Variants in COL11A2 observed in about 807,000 individuals in gnomAD.
COL11A2 encodes collagen alpha-2(XI) chain.
Under a neutral mutation model 273.4 loss-of-function variants are expected in COL11A2, and 116 were observed. That is an observed-to-expected ratio of 0.42 (90% CI 0.36 to 0.49). The LOEUF (loss-of-function observed/expected upper bound fraction) is 0.49. Ranked by LOEUF, COL11A2 falls within the 20% of genes least tolerant of loss-of-function variation. The pLI is 0.00. For missense variants in COL11A2, 1,866 were observed against 2,309.0 expected (o/e 0.81, Z 3.93); for synonymous variants, 782 against 864.2 (o/e 0.90, Z 1.67).
chr6:33,178,755 G>C lies in COL11A2; in HGVS notation c.1666-23C>G, dbSNP rs1771283843. The C allele has an allele frequency of 1.9e-6, 3 of 1,612,812 alleles. No homozygotes were observed. The highest frequency in any genetic ancestry group is 2.5e-6 in the Non-Finnish European group (3 of 1,179,888). ...ACCCTAGGAGGAGGAAGGATAGCCA[G>C]AGTGAGGACACGACCCTGTCCAAGC... On this transcript the variant is annotated intron_variant, in intron 17 of 65. Transcript: ENST00000341947. This position sits in a 1 kb window ranked among gnomAD's most constrained non-coding sequence, Gnocchi z 4.6.
At position 33,169,044 on chromosome 6, in the gene COL11A2, C is replaced by T. The variant is rs1192443639; in HGVS notation, c.3799-36G>A. 2 of 1,582,752 alleles carry T rather than the reference C, an allele frequency of 1.3e-6. No individual in the cohort carries two copies. Among genetic ancestry groups the T allele is most frequent in the Non-Finnish European group, 1.7e-6 (2 of 1,163,556 alleles). ...TGGAGAATAAGAGTCAGGGTCACAGCTCCCTAAGCCCACCCAGCACAGACG... is the reference window on the plus strand; with the variant it reads ...TGGAGAATAAGAGTCAGGGTCACAGTTCCCTAAGCCCACCCAGCACAGACG... On this transcript the variant is annotated intron_variant, in intron 51 of 65. Coordinates refer to ENST00000341947, the MANE Select transcript of COL11A2 (RefSeq NM_080680.3). This position sits in a 1 kb window ranked among gnomAD's most constrained non-coding sequence, Gnocchi z 5.5.
chr6:33,175,694 G>C lies in COL11A2; in HGVS notation c.2269-13C>G. On this transcript the variant is annotated splice_polypyrimidine_tract_variant and intron_variant, in intron 29 of 65. Coordinates refer to ENST00000341947, the MANE Select transcript of COL11A2 (RefSeq NM_080680.3). ...CTCCAACTTCGCCCTGTGTGAGAGG[G>C]AAGGACAGGTGAGTGCTGGGGACTG... 1.2e-6 allele frequency: 2 copies of C among 1,609,984 alleles called. No homozygotes were observed. The highest frequency in any genetic ancestry group is 1.7e-6 in the Non-Finnish European group (2 of 1,177,258).
chr6:33,181,515 C>A (rs758609311), intron 8 of COL11A2, among the ~76,000 whole-genome samples: 4 of 152,100 alleles, frequency 2.6e-5, no homozygotes, highest in Non-Finnish European at 5.9e-5. Flanking sequence ...TGCTCTGTCA[C>A]CCAGGCTGAA....
In COL11A2 at chr6:33,166,482, G is replaced by C. The variant is rs751813118; in HGVS notation, c.4392+31C>G. 1.2e-6 allele frequency: 2 copies of C among 1,610,156 alleles called. No homozygotes were observed. Among genetic ancestry groups the C allele is most frequent in the South Asian group, 2.2e-5 (2 of 90,746 alleles). Reference sequence around the variant, plus strand: ...GGGTGGGCAGCAGAGGGGTTTAGGGGATTTTGTGGAGGAACAGAGGCAGTA... The same window carrying C: ...GGGTGGGCAGCAGAGGGGTTTAGGGCATTTTGTGGAGGAACAGAGGCAGTA... On this transcript the variant is annotated intron_variant, in intron 60 of 65. Coordinates refer to ENST00000341947, the MANE Select transcript of COL11A2 (RefSeq NM_080680.3). The surrounding 1 kb of genome is among the most constrained non-coding windows in gnomAD (Gnocchi z 4.8).
chr6:33,168,331 G>A (rs963783381), intron 54 of COL11A2, among the ~76,000 whole-genome samples, 188 bp downstream of exon 54: 1 of 150,762 alleles, frequency 6.6e-6, no homozygotes, highest in African/African-American at 2.4e-5. Context: ...ACCAGCTCCT[G>A]CACACACACC....
chr6:33,167,373 T>C lies in COL11A2; in HGVS notation c.4122+53A>G, dbSNP rs1451490789. On this transcript the variant is annotated intron_variant, in intron 56 of 65. Coordinates refer to ENST00000341947, the MANE Select transcript of COL11A2 (RefSeq NM_080680.3). The surrounding 1 kb of genome is among the most constrained non-coding windows in gnomAD (Gnocchi z 6.1). Reference sequence around the variant, plus strand: ...GAGGAGCATCCCCACACTGCACCCCTCCCATGGCCCCTCACTCCCACCCCA... The same window carrying C: ...GAGGAGCATCCCCACACTGCACCCCCCCCATGGCCCCTCACTCCCACCCCA... 19 of 1,612,108 alleles carry C rather than the reference T, an allele frequency of 1.2e-5. No individual in the cohort carries two copies. Among genetic ancestry groups the C allele is most frequent in the Non-Finnish European group, 7.6e-6 (9 of 1,179,554 alleles).
Position 33,178,611 on chromosome 6 carries a change from C to T in COL11A2, c.1719+68G>A. On this transcript the variant is annotated intron_variant, in intron 18 of 65. Transcript: ENST00000341947. The surrounding 1 kb of genome is among the most constrained non-coding windows in gnomAD (Gnocchi z 4.6). ...TCCTGCCAAGCCTCCAGCCTCCCTTCCCTACCTATCCTCACTCCCATAGAA... is the reference window on the plus strand; with the variant it reads ...TCCTGCCAAGCCTCCAGCCTCCCTTTCCTACCTATCCTCACTCCCATAGAA... 6.2e-7 allele frequency: 1 copy of T among 1,607,304 alleles called. No individual in the cohort carries two copies. Among genetic ancestry groups the T allele is most frequent in the Non-Finnish European group, 8.5e-7 (1 of 1,175,240 alleles).
rs779187034 is a variant in COL11A2 at position 33,172,585 on chromosome 6, G to T, written c.2843C>A (p.Pro948Gln). The T allele has an allele frequency of 1.2e-5, 20 of 1,612,150 alleles. No homozygotes were observed. Among genetic ancestry groups the T allele is most frequent in the Admixed American group, 5.0e-5 (3 of 59,982 alleles). ...TAGTCCCTGCTCTCCAGGGGGCCCC[G>T]GGGGGCCTGGGTGACCTCTCTCCCC... ...PMGERGHPGP[P>Q]GPPGEQGLPG... The change falls in exon 39 of 66, where the codon CCG becomes CAG. Residue 948 changes from proline (P) to glutamine (Q), a missense_variant. By Grantham distance (76) the Pro-to-Gln change is moderately conservative. Transcript: ENST00000341947.
chr6:33,180,831 CTGGGAAGCGT>C, intron 10 of COL11A2, 101 bp from the exon 11 acceptor site: 1 of 1,561,136 alleles, frequency 6.4e-7, no homozygotes, highest in Non-Finnish European at 8.8e-7. Flanking sequence ...ATCTGGGAAT[CTGGGAAGCGT>C]TGATTGGAGG....
In COL11A2 at chr6:33,177,621, G is replaced by C. The variant is rs773358365; in HGVS notation, c.1917+41C>G. 16 of 1,611,104 alleles carry C rather than the reference G, an allele frequency of 9.9e-6. No individual in the cohort carries two copies. Among genetic ancestry groups the C allele is most frequent in the African/African-American group, 1.3e-5 (1 of 74,874 alleles). On this transcript the variant is annotated intron_variant, in intron 22 of 65. Transcript: ENST00000341947. The surrounding 1 kb of genome is among the most constrained non-coding windows in gnomAD (Gnocchi z 5.9). ...CAACAGGATGCTGGCAGGGACCTCGGGGGATAAGAATGGGGGTGGGATCTC... is the reference window on the plus strand; with the variant it reads ...CAACAGGATGCTGGCAGGGACCTCGCGGGATAAGAATGGGGGTGGGATCTC...
chr6:33,170,205 G>A lies in COL11A2; in HGVS notation c.3583-105C>T. Reference sequence around the variant, plus strand: ...AAGGTTACAGCAGTGAGGCAGTGGAGGCCTCCCGGGAGTAAGGGCTTCTCT... The same window carrying A: ...AAGGTTACAGCAGTGAGGCAGTGGAAGCCTCCCGGGAGTAAGGGCTTCTCT... On this transcript the variant is annotated intron_variant, in intron 48 of 65. Transcript: ENST00000341947. This position sits in a 1 kb window ranked among gnomAD's most constrained non-coding sequence, Gnocchi z 4.3. The A allele has an allele frequency of 1.3e-6, 2 of 1,571,408 alleles. No homozygotes were observed. Among genetic ancestry groups the A allele is most frequent in the South Asian group, 2.2e-5 (2 of 90,020 alleles).
Position 33,189,619 on chromosome 6 carries a change from TG to T in COL11A2, c.83-151del. ...CCCTCACTTGCTTCTGAACAGTACC[TG>T]AATGGATGGGAAATGCAAAGGTACC... On this transcript the variant is annotated intron_variant, in intron 1 of 65. Transcript: ENST00000341947. This position sits in a 1 kb window ranked among gnomAD's most constrained non-coding sequence, Gnocchi z 5.6. 9.7e-7 allele frequency: 1 copy of T among 1,034,582 alleles called. No homozygotes were observed. The highest frequency in any genetic ancestry group is 1.4e-6 in the Non-Finnish European group (1 of 711,592). 64.1% of individuals were successfully genotyped at this position (1,034,582 alleles called of 1,614,324 possible).
intron 8 of COL11A2, 95 bp from the exon 9 acceptor site, chr6:33,181,265 C>T (rs1771699369): frequency 1.6e-6 from 2 of 1,259,390 alleles, no homozygotes; most frequent in Non-Finnish European, 2.3e-6. Context: ...ATTCTTAGAT[C>T]CTCTCGAGAC....
upstream of COL11A2, among the ~76,000 whole-genome samples, chr6:33,193,354 C>G (rs984327551): frequency 9.2e-5 from 14 of 151,888 alleles, no homozygotes; most frequent in African/African-American, 3.1e-4. Context: ...GCGAACAAGG[C>G]GCCTTTGAGA....
Position 33,189,433 on chromosome 6 carries a change from A to G in COL11A2, c.119T>C (p.Phe40Ser). 5.0e-6 allele frequency: 8 copies of G among 1,613,102 alleles called. No homozygotes were observed. Among genetic ancestry groups the G allele is most frequent in the Non-Finnish European group, 6.8e-6 (8 of 1,180,028 alleles). The change falls in exon 2 of 66, where the codon TTC becomes TCC. Residue 40 changes from phenylalanine (F) to serine (S), a missense_variant. Transcript: ENST00000341947. The surrounding 1 kb of genome is among the most constrained non-coding windows in gnomAD (Gnocchi z 5.6). ...CCGGACACCATCAGGGAGGGAGGGG[A>G]ACCTCAGGGCCCGGAGCACATCCAC... is the stretch of plus-strand genomic sequence containing the variant. ...PPVDVLRALRFPSLPDGVRRA... is the reference protein window; with the variant it reads ...PPVDVLRALRSPSLPDGVRRA...
chr6:33,169,106 G>A lies in COL11A2; in HGVS notation c.3799-98C>T, dbSNP rs1769653727. The stretch of plus-strand genomic sequence containing the variant: ...ACGCCACTGCCTCTCTAGAGGCAGT[G>A]CCCACCAGTACCCCCCAGGAAGAGG... On this transcript the variant is annotated intron_variant, in intron 51 of 65. Transcript: ENST00000341947. This position sits in a 1 kb window ranked among gnomAD's most constrained non-coding sequence, Gnocchi z 5.5. The A allele has an allele frequency of 1.7e-6, 2 of 1,210,610 alleles. No homozygotes were observed. Among genetic ancestry groups the A allele is most frequent in the East Asian group, 2.4e-5 (1 of 41,980 alleles). 75.0% of individuals were successfully genotyped at this position (1,210,610 alleles called of 1,614,324 possible). A position where few individuals can be genotyped will look rare whatever the true frequency, so the allele number is the denominator to read the frequency against.
At position 33,169,924 on chromosome 6, in the gene COL11A2, C is replaced by T; in HGVS notation, c.3637-40G>A. 1 of 1,614,028 alleles carries T rather than the reference C, an allele frequency of 6.2e-7. No homozygotes were observed. The highest frequency in any genetic ancestry group is 8.5e-7 in the Non-Finnish European group (1 of 1,179,898). On this transcript the variant is annotated intron_variant, in intron 49 of 65. Transcript: ENST00000341947. This position sits in a 1 kb window ranked among gnomAD's most constrained non-coding sequence, Gnocchi z 5.5. Reference sequence around the variant, plus strand: ...GAGTCAAAAACCTCCTCTCCTTCCCCAGCCAAAAAATTCTGATATTCCCCA... The same window carrying T: ...GAGTCAAAAACCTCCTCTCCTTCCCTAGCCAAAAAATTCTGATATTCCCCA...
chr6:33,187,513 G>C (rs1296885549), intron 4 of COL11A2, among the ~76,000 whole-genome samples: 1 of 152,094 alleles, frequency 6.6e-6, no homozygotes, highest in Non-Finnish European at 1.5e-5. Flanking sequence ...GTGAATGGAG[G>C]GATGGATGAA....
At position 33,179,773 on chromosome 6, in the gene COL11A2, G is replaced by A. The variant is rs765995991; in HGVS notation, c.1392C>T (p.Gly464=). The A allele has an allele frequency of 1.9e-6, 3 of 1,611,868 alleles. No individual in the cohort carries two copies. Among genetic ancestry groups the A allele is most frequent in the Non-Finnish European group, 1.7e-6 (2 of 1,180,000 alleles). The change falls in exon 13 of 66, where the codon GGC becomes GGT. Residue 464 remains glycine (G), a synonymous_variant. Transcript: ENST00000341947. This position sits in a 1 kb window ranked among gnomAD's most constrained non-coding sequence, Gnocchi z 6.4. ...FRFGSGGGDK[G]PVVAAQEAQA... is the part of the protein sequence containing the mutation. ...GAGCCTCCTGGGCCGCCACCACAGG[G>A]CCCTTGTCACCCCCACCACTGCCAA... is the stretch of plus-strand genomic sequence containing the variant.
Sources: allele counts gnomAD v4.1 joint callset (sites outside exome capture counted in the v4.1 genomes callset), GRCh38; gene constraint gnomAD v4.1.1; non-coding constraint Gnocchi (gnomAD v3.1); transcripts MANE v1.5; gene names NCBI Gene and HGNC (gene_info 2026-07-23, HGNC 2026-07-21).